The following SEMA6A variants were observed in gnomAD, a reference collection of about 807,000 sequenced individuals.
The protein encoded by SEMA6A is semaphorin 6A.
SEMA6A carries 25 observed loss-of-function variants against 96.8 expected under a neutral mutation model. The observed-to-expected ratio is 0.26, with a 90% confidence interval of 0.19 to 0.36. The LOEUF (loss-of-function observed/expected upper bound fraction) is 0.36. Among genes scored for constraint, SEMA6A ranks in the 10% least tolerant of loss-of-function variants. The probability of loss-of-function intolerance (pLI) is 1.00; values close to 1 mark genes in which losing one functional copy is unlikely to be tolerated. For synonymous variants in SEMA6A, 612 were observed against 518.0 expected (o/e 1.18, Z -2.46); for missense variants, 1,363 against 1,323.1 (o/e 1.03, Z -0.47).
intron 1 of SEMA6A, among the ~76,000 whole-genome samples, chr5:116,528,908 C>A (rs1254780528): frequency 6.6e-6 from 1 of 152,156 alleles, no homozygotes; most frequent in South Asian, 2.1e-4. Flanking sequence ...TAATGCCTGA[C>A]CCTGTGTCAC....
intron 1 of SEMA6A, among the ~76,000 whole-genome samples, chr5:116,519,140 G>C (rs1431219207): frequency 6.6e-6 from 1 of 152,176 alleles, no homozygotes; most frequent in East Asian, 1.9e-4. Context: ...AATGAGAAGA[G>C]AGCAAAGTGC....
intron 1 of SEMA6A, among the ~76,000 whole-genome samples, chr5:116,531,787 A>G (rs1421495209): frequency 6.6e-6 from 1 of 152,118 alleles, no homozygotes; most frequent in East Asian, 1.9e-4. Context: ...GTCCTGACTC[A>G]TCCCAGTCAC....
chr5:116,538,782 G>C (rs1199998349), intron 1 of SEMA6A, among the ~76,000 whole-genome samples: 1 of 151,820 alleles, frequency 6.6e-6, no homozygotes, highest in African/African-American at 2.4e-5. Context: ...AGTCCTGCTT[G>C]ACCATCACCT....
At chr5:116,486,685 G>C in intron 10 of SEMA6A, 64 bp downstream of exon 10, 3 of 1,348,038 alleles carry the variant, frequency 2.2e-6, no homozygotes, top group South Asian at 2.4e-5. Context: ...TATTAGAAGA[G>C]AACCCCCTGG....
At chr5:116,532,056 A>T (rs552268493) in intron 1 of SEMA6A, among the ~76,000 whole-genome samples, 13 of 152,302 alleles carry the variant, frequency 8.5e-5, no homozygotes, top group South Asian at 8.3e-4. Context: ...TGCTCTCACC[A>T]TTACTGTATT....
intron 1 of SEMA6A, among the ~76,000 whole-genome samples, chr5:116,507,867 C>G (rs945154466): frequency 2.0e-5 from 3 of 152,174 alleles, no homozygotes; most frequent in Non-Finnish European, 4.4e-5. Flanking sequence ...ACCATTACTA[C>G]AAAGTTATAA....
At position 116,482,629 on chromosome 5, in the gene SEMA6A, G is replaced by A. The variant is rs1027828184; in HGVS notation, c.963-54C>T. On this transcript the variant is annotated intron_variant, in intron 10 of 18. Transcript: ENST00000343348. ...TACTCATGCAATGGTTATGCATGTG[G>A]TTTGGAACATACTCCAGAGAAACTT... 8.2e-6 allele frequency: 13 copies of A among 1,587,938 alleles called. No homozygotes were observed. In the East Asian group the frequency reaches 1.1e-4, roughly 14 times the overall value.
intron 1 of SEMA6A, among the ~76,000 whole-genome samples, chr5:116,546,253 CAG>C (rs1204247130): frequency 2.0e-5 from 3 of 152,236 alleles, no homozygotes; most frequent in African/African-American, 7.2e-5. Flanking sequence ...GTCACAAGCT[CAG>C]AGTCACAGGC....
In SEMA6A at chr5:116,447,789, G is replaced by C. The variant is rs781230407; in HGVS notation, c.1917C>G (p.Leu639=). The C allele has an allele frequency of 1.2e-6, 2 of 1,601,486 alleles. No homozygotes were observed. Among genetic ancestry groups the C allele is most frequent in the East Asian group, 2.2e-5 (1 of 44,518 alleles). ...DKKGVIRESY[L]KGHDQLVPVT... The stretch of plus-strand genomic sequence containing the variant: ...CGGGAACCAGCTGGTCGTGGCCTTT[G>C]AGGTAACTTTCCCGAATCACTCCTG... The change falls in exon 19 of 19, where the codon CTC becomes CTG. Residue 639 remains leucine (L), a synonymous_variant. Transcript: ENST00000343348.
chr5:116,499,639 G>A (rs1246681560), intron 3 of SEMA6A, among the ~76,000 whole-genome samples: 1 of 152,208 alleles, frequency 6.6e-6, no homozygotes, highest in East Asian at 1.9e-4. Flanking sequence ...CTGTTGAGAG[G>A]AAGTGGCTGC....
rs2112687505 is a variant in SEMA6A at position 116,478,331 on chromosome 5, A to G, written c.1428-177T>C. On this transcript the variant is annotated intron_variant, in intron 13 of 18. Transcript: ENST00000343348. ...ACACACATGTATATGTATCTATATA[A>G]ACACACACACATATATGTATCTATA... 3 of 770,164 alleles carry G rather than the reference A, an allele frequency of 3.9e-6. No individual in the cohort carries two copies. The East Asian group carries it at 8.1e-5, about 21-fold the overall frequency. 47.7% of individuals were successfully genotyped at this position (770,164 alleles called of 1,614,324 possible). A position where few individuals can be genotyped will look rare whatever the true frequency, so the allele number is the denominator to read the frequency against.
At chr5:116,448,022 C>T (rs576146500) in intron 18 of SEMA6A, among the ~76,000 whole-genome samples, 49 of 152,128 alleles carry the variant, frequency 3.2e-4, no homozygotes, top group Middle Eastern at 3.4e-3. Flanking sequence ...CATTTGTAGC[C>T]TTCTTTGTTG....
At chr5:116,565,807 T>C (rs1169314927) in intron 1 of SEMA6A, among the ~76,000 whole-genome samples, 1 of 152,238 alleles carries the variant, frequency 6.6e-6, no homozygotes, top group African/African-American at 2.4e-5. Context: ...GAGTGTTTTT[T>C]TGTGGAATGC....
At chr5:116,494,925 A>G (rs935528541) in intron 6 of SEMA6A, among the ~76,000 whole-genome samples, 1 of 128,372 alleles carries the variant, frequency 7.8e-6, no homozygotes, top group African/African-American at 2.5e-5. Context: ...GCATAAAGCC[A>G]AAGTAAGCAA....
intron 1 of SEMA6A, among the ~76,000 whole-genome samples, chr5:116,508,666 T>C (rs1436485414): frequency 6.6e-6 from 1 of 152,096 alleles, no homozygotes; most frequent in Admixed American, 6.5e-5. Context: ...TTTAACAAAC[T>C]CCAGATTTTT....
At chr5:116,529,272 G>T (rs967012683) in intron 1 of SEMA6A, among the ~76,000 whole-genome samples, 1 of 152,090 alleles carries the variant, frequency 6.6e-6, no homozygotes. Flanking sequence ...GCTAGAGGTT[G>T]GTTAACAGAT....
chr5:116,537,142 T>C (rs920787206), intron 1 of SEMA6A, among the ~76,000 whole-genome samples: 2 of 152,130 alleles, frequency 1.3e-5, no homozygotes, highest in African/African-American at 4.8e-5. Context: ...CATGCACACA[T>C]GCATGCACAC....
At chr5:116,495,952 C>T (rs565960838) in intron 5 of SEMA6A, 59 of 363,652 alleles carry the variant, frequency 1.6e-4, no homozygotes, top group Middle Eastern at 1.7e-3. Flanking sequence ...CCTTGGACTG[C>T]GGAGGTGGGC....
At chr5:116,554,698 TAC>T (rs946948796) in intron 1 of SEMA6A, 27 of 152,290 alleles carry the variant, frequency 1.8e-4, no homozygotes, top group African/African-American at 6.5e-4. Flanking sequence ...ATTAAGTATA[TAC>T]ATACAAGCAT....
Sources: gnomAD v4.1 joint callset for allele counts (sites outside exome capture counted in the v4.1 genomes callset) on GRCh38, gnomAD v4.1.1 for gene constraint, MANE v1.5 for transcripts, NCBI Gene and HGNC (gene_info 2026-07-23, HGNC 2026-07-21) for gene names.